Variants in CPLANE1 observed in about 807,000 individuals in gnomAD.
The protein encoded by CPLANE1 is ciliogenesis and planar polarity effector complex subunit 1.
A neutral mutation model predicts 362.5 loss-of-function variants in CPLANE1; 263 were observed. The ratio of observed to expected loss-of-function variants is 0.73; its 90% confidence interval spans 0.66 to 0.80. The LOEUF is 0.80. Among genes scored for constraint, CPLANE1 ranks in the 30% least tolerant of loss-of-function variants. The pLI, the probability that CPLANE1 is intolerant of heterozygous loss-of-function variation, is 0.00. For missense variants in CPLANE1, 3,461 were observed against 3,793.4 expected, an observed-to-expected ratio of 0.91 and a Z score of 2.30; for synonymous variants, 1,212 against 1,302.6, an observed-to-expected ratio of 0.93 and a Z score of 1.50.
intron 46 of CPLANE1, chr5:37,138,481 G>A (rs1391857554): frequency 6.4e-6 from 4 of 629,816 alleles, no homozygotes; most frequent in African/African-American, 5.4e-5. Context: ...TAAGAGACAG[G>A]ATTAAATGTA....
At chr5:37,134,119 C>T (rs1029880774) in intron 46 of CPLANE1, among the ~76,000 whole-genome samples, 3 of 152,096 alleles carry the variant, frequency 2.0e-5, no homozygotes, top group Non-Finnish European at 2.9e-5. Context: ...CTTGGGTCTT[C>T]GCCAGGTTTT....
chr5:37,084,766 G>A, the CPLANE1 span, among the ~76,000 whole-genome samples: 5 of 151,050 alleles, frequency 3.3e-5, no homozygotes, highest in African/African-American at 4.9e-5. Flanking sequence ...GCGAGACTCT[G>A]TCTTTAAAAA....
chr5:37,139,383 T>A lies in CPLANE1; in HGVS notation c.8633-13A>T, dbSNP rs1768934533. 1 of 1,115,574 alleles carries A rather than the reference T, an allele frequency of 9.0e-7. No individual in the cohort carries two copies. Among genetic ancestry groups the A allele is most frequent in the Middle Eastern group, 2.1e-4 (1 of 4,678 alleles). The allele number at this position is 1,115,574 out of a possible 1,614,324, so 69.1% of individuals were successfully genotyped here. A position where few individuals can be genotyped will look rare whatever the true frequency, so the allele number is the denominator to read the frequency against. On this transcript the variant is annotated splice_polypyrimidine_tract_variant and intron_variant, in intron 44 of 52. Coordinates refer to ENST00000651892, the MANE Select transcript of CPLANE1 (RefSeq NM_001384732.1). ...CTGCTATTCATACCTAAAAAAAAAA[T>A]CATTATTAATAAAAATTTTGGGTTT...
the CPLANE1 span, among the ~76,000 whole-genome samples, chr5:37,099,073 CT>C: frequency 6.6e-6 from 1 of 151,986 alleles, no homozygotes; most frequent in Non-Finnish European, 1.5e-5. Context: ...ACAAAATAGA[CT>C]TAAAAAAATA....
Position 37,168,889 on chromosome 5 carries a change from A to T in CPLANE1, c.7135T>A (p.Ser2379Thr). The T allele has an allele frequency of 6.2e-7, 1 of 1,614,162 alleles. No individual in the cohort carries two copies. The highest frequency in any genetic ancestry group is 8.5e-7 in the Non-Finnish European group (1 of 1,180,008). ...ATAGGTGTTGAGGGAACTGTAATAG[A>T]TGCTCTTGAGGTTGATGGAAACATA... is the stretch of plus-strand genomic sequence containing the variant. ...PNMFPSTSRASITVPSTPIQP... is the reference protein window; with the variant it reads ...PNMFPSTSRATITVPSTPIQP... Residue 2379 changes from serine (S) to threonine (T), a missense_variant, in exon 34 of 53, where the codon TCT becomes ACT. Coordinates refer to ENST00000651892, the MANE Select transcript of CPLANE1 (RefSeq NM_001384732.1).
intron 42 of CPLANE1, 96 bp from the exon 43 acceptor site, chr5:37,148,364 G>A (rs755249524): frequency 1.8e-5 from 15 of 816,394 alleles, no homozygotes; most frequent in Admixed American, 5.9e-5. Context: ...TTGCATTAAT[G>A]CAAAAGTGAA....
chr5:37,141,231 T>C (rs946459436), intron 44 of CPLANE1: 2 of 985,394 alleles, frequency 2.0e-6, no homozygotes, highest in Non-Finnish European at 2.4e-6. Flanking sequence ...ACTTCTCTGC[T>C]TGGAATTCTC....
chr5:37,171,690 C>T (rs1268921122), intron 32 of CPLANE1, among the ~76,000 whole-genome samples: 5 of 151,214 alleles, frequency 3.3e-5, no homozygotes, highest in Non-Finnish European at 3.0e-5. Context: ...ATTCATAATC[C>T]TACCCTCAAA....
rs1383417627 is a variant in CPLANE1 at position 37,182,980 on chromosome 5, G to A, written c.5201C>T (p.Pro1734Leu). The A allele has an allele frequency of 6.2e-7, 1 of 1,609,320 alleles. No individual in the cohort carries two copies. ...ACTGCCAAAAGTGTTTAGTGCTAAA[G>A]GAAGATCTTCTTGAGGGTTAATATC... ...CNDINPQEDL[P>L]LALNTFGSIG... The change falls in exon 26 of 53, where the codon CCT becomes CTT. Residue 1734 changes from proline to leucine, a missense_variant. Around this residue, in one of 2 missense-constraint regions of CPLANE1, gnomAD observed 3,380 missense variants for 3,666.1 expected, o/e 0.92. Transcript: ENST00000651892.
intron 20 of CPLANE1, among the ~76,000 whole-genome samples, chr5:37,197,930 T>C (rs1376275011): frequency 2.0e-5 from 3 of 152,162 alleles, no homozygotes; most frequent in African/African-American, 4.8e-5. Context: ...TCAGTTTCCA[T>C]TGTGTTTCAA....
At chr5:37,117,610 G>A (rs1307287034) in intron 50 of CPLANE1, among the ~76,000 whole-genome samples, 1 of 152,128 alleles carries the variant, frequency 6.6e-6, no homozygotes, top group African/African-American at 2.4e-5. Context: ...GCATGTGGTT[G>A]GAAAACAAGC....
At position 37,107,352 on chromosome 5, in the gene CPLANE1, T is replaced by A; in HGVS notation, c.*250A>T. The A allele has an allele frequency of 8.3e-7, 1 of 1,201,574 alleles. No individual in the cohort carries two copies. The highest frequency in any genetic ancestry group is 1.0e-6 in the Non-Finnish European group (1 of 968,788). 74.4% of individuals were successfully genotyped at this position (1,201,574 alleles called of 1,614,324 possible). A position where few individuals can be genotyped will look rare whatever the true frequency, so the allele number is the denominator to read the frequency against. On this transcript the variant is annotated 3_prime_UTR_variant, in exon 53 of 53. Transcript: ENST00000651892. ...TGAAAGGTACTTATCATTTTAAAAA[T>A]TATGCCTAATGATGCATCAAATACA...
At chr5:37,077,608 T>C in the CPLANE1 span, among the ~76,000 whole-genome samples, 1,274 of 41,170 alleles carry the variant, frequency 0.031, 4 homozygotes, top group African/African-American at 0.18. Context: ...GTGTGTGTCT[T>C]TTTTTTTTTT....
the CPLANE1 span, among the ~76,000 whole-genome samples, chr5:37,090,701 C>T: frequency 6.6e-6 from 1 of 152,184 alleles, no homozygotes; most frequent in Admixed American, 6.5e-5. Context: ...TTCAATCACT[C>T]GATCTGGGTT....
chr5:37,078,394 G>A, the CPLANE1 span, among the ~76,000 whole-genome samples: 1 of 152,134 alleles, frequency 6.6e-6, no homozygotes. Context: ...TTTTATGGCT[G>A]CATAGTATTT....
chr5:37,169,568 G>C lies in CPLANE1; in HGVS notation c.6463-7C>G, dbSNP rs375417224. 1 of 1,566,296 alleles carries C rather than the reference G, an allele frequency of 6.4e-7. No homozygotes were observed. Among genetic ancestry groups the C allele is most frequent in the South Asian group, 1.2e-5 (1 of 83,584 alleles). ...TACTCCCATGTGGAACATTCTGGAA[G>C]AGAAAAAAGATATTATGTAAGTTTA... On this transcript the variant is annotated splice_region_variant and splice_polypyrimidine_tract_variant and intron_variant, in intron 33 of 52. Coordinates refer to ENST00000651892, the MANE Select transcript of CPLANE1 (RefSeq NM_001384732.1).
At chr5:37,178,167 T>C (rs1045938710) in intron 29 of CPLANE1, among the ~76,000 whole-genome samples, 4 of 152,094 alleles carry the variant, frequency 2.6e-5, no homozygotes, top group African/African-American at 9.7e-5. Context: ...TGGTGGCGCA[T>C]ACCTGTAGTC....
chr5:37,177,797 G>C, intron 29 of CPLANE1, 97 bp from the exon 30 acceptor site: 1 of 866,306 alleles, frequency 1.2e-6, no homozygotes. Context: ...CTTAACCAGA[G>C]TAACAACAGT....
intron 21 of CPLANE1, among the ~76,000 whole-genome samples, chr5:37,190,883 T>C (rs1179898432): frequency 6.6e-6 from 1 of 152,242 alleles, no homozygotes; most frequent in Non-Finnish European, 1.5e-5. Flanking sequence ...TACAATTATA[T>C]ACAGTACATA....
Sources: allele counts gnomAD v4.1 joint callset (sites outside exome capture counted in the v4.1 genomes callset), GRCh38; gene constraint gnomAD v4.1.1; regional missense constraint gnomAD v4.1.1; transcripts MANE v1.5; gene names NCBI Gene and HGNC (gene_info 2026-07-23, HGNC 2026-07-21).